Variants in RAB3GAP1 observed in about 807,000 individuals in gnomAD.
RAB3GAP1 encodes the protein RAB3 GTPase activating protein catalytic subunit 1.
RAB3GAP1 carries 86 observed loss-of-function variants against 130.7 expected under a neutral mutation model. That is an observed-to-expected ratio of 0.66 (90% CI 0.55 to 0.79). The LOEUF (loss-of-function observed/expected upper bound fraction) is 0.79. RAB3GAP1 is among the 30% of genes least tolerant of loss of function. RAB3GAP1 has a pLI of 0.00. For missense variants in RAB3GAP1, 1,029 were observed against 1,169.4 expected (o/e 0.88, Z 1.75); for synonymous variants, 367 against 401.7 (o/e 0.91, Z 1.03).
At chr2:135,066,910 T>A (rs1261771826) in intron 3 of RAB3GAP1, among the ~76,000 whole-genome samples, 2 of 152,206 alleles carry the variant, frequency 1.3e-5, no homozygotes, top group Non-Finnish European at 2.9e-5. Context: ...GAAAAATTCA[T>A]GGAAGAAGAA....
intron 3 of RAB3GAP1, chr2:135,058,299 A>ATG (rs886617498): frequency 6.2e-5 from 31 of 502,110 alleles, no homozygotes; most frequent in African/African-American, 4.9e-4. Flanking sequence ...AGTTATATAT[A>ATG]TGTGTGTGTG....
intron 8 of RAB3GAP1, among the ~76,000 whole-genome samples, chr2:135,121,778 G>C (rs1362731097): frequency 6.6e-6 from 1 of 152,040 alleles, no homozygotes; most frequent in Non-Finnish European, 1.5e-5. Context: ...AAAATTGGTA[G>C]GCATGAGATG....
rs144497408 is a variant in RAB3GAP1, at chr2:135,076,401, A to C, written c.151-14597A>C. ...TTCATTATATTTTTTCTAATATAAC[A>C]GACTAAAACTATCTCATTTTTATTT... is the stretch of plus-strand genomic sequence containing the variant. On this transcript the variant is annotated intron_variant, in intron 3 of 23. Transcript: ENST00000264158. Among the ~76,000 whole-genome samples the C allele has an allele frequency of 3.3e-5, 5 of 152,264 alleles. No individual in the cohort carries two copies. The East Asian group carries it at 9.7e-4, about 29-fold the overall frequency.
intron 2 of RAB3GAP1, among the ~76,000 whole-genome samples, chr2:135,053,897 A>T (rs940362450): frequency 2.0e-5 from 3 of 152,228 alleles, no homozygotes; most frequent in Non-Finnish European, 4.4e-5. Flanking sequence ...TAGAAAAGAT[A>T]GGAAATGAGC....
chr2:135,124,272 A>T, intron 9 of RAB3GAP1, 26 bp downstream of exon 9: 1 of 1,585,494 alleles, frequency 6.3e-7, no homozygotes, highest in Non-Finnish European at 8.7e-7. Flanking sequence ...TGTCATTTGA[A>T]TTGTGGGAAT....
intron 11 of RAB3GAP1, 41 bp from the exon 12 acceptor site, chr2:135,129,954 T>G: frequency 1.5e-6 from 2 of 1,309,410 alleles, no homozygotes; most frequent in Non-Finnish European, 2.2e-6. Context: ...ATTTTTTTTT[T>G]TTTCAGTTAA....
At chr2:135,075,636 T>C (rs1327312136) in intron 3 of RAB3GAP1, among the ~76,000 whole-genome samples, 1 of 150,470 alleles carries the variant, frequency 6.6e-6, no homozygotes, top group African/African-American at 2.5e-5. Context: ...CTTGCATGTT[T>C]GCCTTTTTTT....
intron 5 of RAB3GAP1, among the ~76,000 whole-genome samples, chr2:135,106,558 G>C (rs970159774): frequency 1.8e-4 from 28 of 152,076 alleles, no homozygotes; most frequent in Non-Finnish European, 3.2e-4. Flanking sequence ...AAGGCAGCAT[G>C]CTTCTTAAGA....
At chr2:135,144,137 G>A (rs534719416) in intron 17 of RAB3GAP1, among the ~76,000 whole-genome samples, 23 of 152,302 alleles carry the variant, frequency 1.5e-4, no homozygotes, top group East Asian at 1.2e-3. Flanking sequence ...TAACTCAAGC[G>A]TGCCCTAACC....
intron 7 of RAB3GAP1, among the ~76,000 whole-genome samples, chr2:135,117,579 TCTGCTTCTTCTTCTGCTG>T (rs1691035030): frequency 7.2e-6 from 1 of 138,048 alleles, no homozygotes; most frequent in Non-Finnish European, 1.5e-5. Context: ...TGCTTCTTCT[TCTGCTTCTTCTTCTGCTG>T]CTTCTTCTGC....
At chr2:135,068,152 G>T (rs1031640708) in intron 3 of RAB3GAP1, among the ~76,000 whole-genome samples, 2 of 152,146 alleles carry the variant, frequency 1.3e-5, no homozygotes, top group African/African-American at 4.8e-5. Context: ...GTTTCTTAGA[G>T]CACCTATCAG....
chr2:135,081,345 TATATATATATATATATAC>T (rs1264987839), intron 3 of RAB3GAP1, among the ~76,000 whole-genome samples: 12 of 91,820 alleles, frequency 1.3e-4, no homozygotes, highest in African/African-American at 6.1e-4. Context: ...TATATATATA[TATATATATATATATATAC>T]ACACACGTGT....
At chr2:135,104,639 G>A (rs905460934) in intron 5 of RAB3GAP1, among the ~76,000 whole-genome samples, 15 of 151,892 alleles carry the variant, frequency 9.9e-5, no homozygotes, top group African/African-American at 2.7e-4. Flanking sequence ...GATCACTTGA[G>A]GTCAAGAGTT....
At chr2:135,171,148 C>G (rs1194962534), downstream of RAB3GAP1, among the ~76,000 whole-genome samples, 1 of 151,852 alleles carries the variant, frequency 6.6e-6, no homozygotes, top group Non-Finnish European at 1.5e-5. Flanking sequence ...GGGAAAATGT[C>G]TATTTGGGGG....
intron 2 of RAB3GAP1, among the ~76,000 whole-genome samples, chr2:135,053,919 A>G (rs1454824241): frequency 6.6e-6 from 1 of 152,160 alleles, no homozygotes; most frequent in Non-Finnish European, 1.5e-5. Flanking sequence ...GGGCCTTGAA[A>G]GTGGGAAGTG....
Position 135,134,029 on chromosome 2 carries a change from C to T in RAB3GAP1, c.1495C>T (p.Pro499Ser), listed in dbSNP as rs1356056397. ...RFRWENNFLI[P>S]GLASGPPDLR... The stretch of plus-strand genomic sequence containing the variant: ...CCGATGGGAAAACAACTTTCTGATT[C>T]CAGGGTAATAATTTCAATTTTCAAT... The change falls in exon 15 of 24, where the codon CCA becomes TCA. Residue 499 changes from proline (P) to serine (S), a missense_variant. Pro to Ser is a moderately conservative substitution (Grantham distance 74). Around this residue, in one of 3 missense-constraint regions of RAB3GAP1, gnomAD observed 373 missense variants for 493.6 expected, o/e 0.76. Transcript: ENST00000264158. The T allele has an allele frequency of 4.3e-6, 7 of 1,613,604 alleles. No individual in the cohort carries two copies. Among genetic ancestry groups the T allele is most frequent in the East Asian group, 2.2e-5 (1 of 44,834 alleles).
rs1692806771 is a variant in RAB3GAP1, at chr2:135,170,089, T to C, written c.*1308T>C. On this transcript the variant is annotated 3_prime_UTR_variant, in exon 24 of 24. Transcript: ENST00000264158. ...CTGGGGGATGACCTCCCAGCCTTTA[T>C]GATGCTTTTCTCTATGCTGCTGGAC... The C allele has an allele frequency of 5.5e-6, 1 of 181,962 alleles. No individual in the cohort carries two copies. The highest frequency in any genetic ancestry group is 5.9e-5 in the Admixed American group (1 of 16,814). 11.3% of individuals were successfully genotyped at this position (181,962 alleles called of 1,614,324 possible).
rs146045863 is a variant in RAB3GAP1 at position 135,133,909 on chromosome 2, A to C, written c.1375A>C (p.Lys459Gln). The C allele has an allele frequency of 1.9e-6, 3 of 1,613,924 alleles. No homozygotes were observed. The Admixed American group carries it at 5.0e-5, about 27-fold the overall frequency. ...TGCACCATCTGACAGTTTAACATACAAACTGGCTTTGTGTCTCTGTATGAT... is the reference window on the plus strand; with the variant it reads ...TGCACCATCTGACAGTTTAACATACCAACTGGCTTTGTGTCTCTGTATGAT... The part of the protein sequence containing the change: ...KSAPSDSLTY[K>Q]LALCLCMINF... The change falls in exon 15 of 24, where the codon AAA becomes CAA. Residue 459 changes from lysine (K) to glutamine (Q), a missense_variant. By Grantham distance (53) the Lys-to-Gln change is moderately conservative. Coordinates refer to ENST00000264158, the MANE Select transcript of RAB3GAP1 (RefSeq NM_012233.3).
chr2:135,052,584 C>G, intron 2 of RAB3GAP1, 99 bp downstream of exon 2: 1 of 1,387,380 alleles, frequency 7.2e-7, no homozygotes, highest in Non-Finnish European at 1.0e-6. Flanking sequence ...GCCACTTGTG[C>G]GGGAACGGTA....
Sources: allele counts gnomAD v4.1 joint callset (sites outside exome capture counted in the v4.1 genomes callset), GRCh38; gene constraint gnomAD v4.1.1; regional missense constraint gnomAD v4.1.1; transcripts MANE v1.5; gene names NCBI Gene and HGNC (gene_info 2026-07-23, HGNC 2026-07-21).